LOC128092252: variants seen among roughly 807,000 people sequenced by gnomAD.
chr15:50,669,201 G>A, the LOC128092252 span, among the ~76,000 whole-genome samples: 2 of 152,136 alleles, frequency 1.3e-5, no homozygotes, highest in African/African-American at 2.4e-5. Flanking sequence ...CAGCACATTG[G>A]GAGGCTGAGG....
chr15:50,653,789 G>A, the LOC128092252 span, among the ~76,000 whole-genome samples: 1 of 152,144 alleles, frequency 6.6e-6, no homozygotes, highest in Non-Finnish European at 1.5e-5. Context: ...ATTCACCATG[G>A]GTCTTTGGCC....
At chr15:50,668,942 T>C in the LOC128092252 span, among the ~76,000 whole-genome samples, 8 of 152,320 alleles carry the variant, frequency 5.3e-5, no homozygotes, top group East Asian at 1.5e-3. Context: ...ACTTGACTTG[T>C]AGAGCCAATT....
chr15:50,681,744 T>C, the LOC128092252 span, among the ~76,000 whole-genome samples: 18 of 152,320 alleles, frequency 1.2e-4, no homozygotes, highest in African/African-American at 4.3e-4. Context: ...GGCAGCTGGA[T>C]AGTTAAGGTG....
At chr15:50,676,857 C>T in the LOC128092252 span, among the ~76,000 whole-genome samples, 4 of 152,072 alleles carry the variant, frequency 2.6e-5, no homozygotes, top group African/African-American at 9.7e-5. Flanking sequence ...AAAAGGAATC[C>T]TAAATACTTA....
the LOC128092252 span, chr15:50,686,616 C>G: frequency 6.4e-7 from 1 of 1,568,368 alleles, no homozygotes; most frequent in Non-Finnish European, 8.6e-7. Flanking sequence ...CGGGAAGCGT[C>G]TCCGGAGGCG....
the LOC128092252 span, chr15:50,686,609 G>C: frequency 6.3e-7 from 1 of 1,581,572 alleles, no homozygotes; most frequent in Non-Finnish European, 8.6e-7. Context: ...CATCTATCGG[G>C]AAGCGTCTCC....
At chr15:50,663,399 T>C in the LOC128092252 span, among the ~76,000 whole-genome samples, 2 of 152,226 alleles carry the variant, frequency 1.3e-5, no homozygotes, top group Non-Finnish European at 2.9e-5. Context: ...GTGGTGGGAT[T>C]ACAGGCGTGA....
At chr15:50,665,411 T>A in the LOC128092252 span, among the ~76,000 whole-genome samples, 7 of 149,296 alleles carry the variant, frequency 4.7e-5, no homozygotes, top group Non-Finnish European at 8.9e-5. Context: ...AAAAAAAAAA[T>A]TGATCATGTG....
chr15:50,683,710 ACT>A, the LOC128092252 span, among the ~76,000 whole-genome samples: 2 of 151,996 alleles, frequency 1.3e-5, no homozygotes, highest in Non-Finnish European at 2.9e-5. Context: ...CAAGAGCAAG[ACT>A]CTGTTCCAAA....
chr15:50,676,603 C>T, the LOC128092252 span, among the ~76,000 whole-genome samples: 1 of 151,746 alleles, frequency 6.6e-6, no homozygotes, highest in Non-Finnish European at 1.5e-5. Flanking sequence ...CTTGAGGACA[C>T]TGAAGAGCAA....
the LOC128092252 span, among the ~76,000 whole-genome samples, chr15:50,681,970 G>C: frequency 6.6e-6 from 1 of 152,056 alleles, no homozygotes; most frequent in African/African-American, 2.4e-5. Context: ...TTGAGGTCAG[G>C]AGTTCAAGAC....
chr15:50,681,841 T>C, the LOC128092252 span, among the ~76,000 whole-genome samples: 1 of 152,124 alleles, frequency 6.6e-6, no homozygotes, highest in Admixed American at 6.6e-5. Context: ...TTAGGTCAAG[T>C]AGGGAAAAGA....
the LOC128092252 span, among the ~76,000 whole-genome samples, chr15:50,673,849 T>C: frequency 6.6e-5 from 10 of 152,184 alleles, no homozygotes; most frequent in Non-Finnish European, 1.5e-4. Flanking sequence ...TTGTTTCCCA[T>C]AGTGGTTGTA....
the LOC128092252 span, among the ~76,000 whole-genome samples, chr15:50,678,082 AT>A: frequency 1.3e-4 from 19 of 151,654 alleles, no homozygotes; most frequent in Non-Finnish European, 2.2e-4. Context: ...TACTAAAAAA[AT>A]ACAAAAAATC....
the LOC128092252 span, among the ~76,000 whole-genome samples, chr15:50,662,474 A>C: frequency 6.6e-6 from 1 of 152,182 alleles, no homozygotes; most frequent in Non-Finnish European, 1.5e-5. Context: ...AGACACAGAC[A>C]CCTATAGTCT....
At chr15:50,678,239 C>CAAAAAAAAA in the LOC128092252 span, among the ~76,000 whole-genome samples, 3 of 92,090 alleles carry the variant, frequency 3.3e-5, no homozygotes, top group African/African-American at 1.1e-4. Flanking sequence ...GACTCTCTCT[C>CAAAAAAAAA]AAAAAAAAAA....
the LOC128092252 span, among the ~76,000 whole-genome samples, chr15:50,659,906 G>A: frequency 9.2e-5 from 14 of 152,116 alleles, no homozygotes; most frequent in Non-Finnish European, 1.8e-4. Context: ...GACCTCAGGT[G>A]ATCCACCTAC....
chr15:50,675,099 T>C, the LOC128092252 span, among the ~76,000 whole-genome samples: 3 of 152,130 alleles, frequency 2.0e-5, no homozygotes, highest in African/African-American at 4.8e-5. Flanking sequence ...TCCCAACACT[T>C]TGGGAAGCCG....
the LOC128092252 span, chr15:50,649,005 A>T: frequency 1.5e-6 from 1 of 649,278 alleles, no homozygotes; most frequent in African/African-American, 1.9e-5. Flanking sequence ...TTATATAAGT[A>T]TAAAAATAAG....
Sources: gnomAD v4.1 joint callset for allele counts (sites outside exome capture counted in the v4.1 genomes callset) on GRCh38, gnomAD v4.1.1 for gene constraint, MANE v1.5 for transcripts.